ADGRL3: variants seen among roughly 807,000 people sequenced by gnomAD.
The protein encoded by ADGRL3 is adhesion G protein-coupled receptor L3, also known as calcium-independent alpha-latrotoxin receptor 3.
In ADGRL3, 62 loss-of-function variants were observed where a neutral mutation model predicts 153.5. The ratio of observed to expected loss-of-function variants is 0.40; its 90% CI spans 0.33 to 0.50. The LOEUF (loss-of-function observed/expected upper bound fraction) is 0.50, where lower values mean the gene tolerates loss of function less well. Among genes scored for constraint, ADGRL3 ranks in the 20% least tolerant of loss-of-function variants. The pLI is 0.47. For missense variants in ADGRL3, 1,641 were observed against 1,859.4 expected (o/e 0.88, Z 2.16); for synonymous variants, 710 against 672.5 (o/e 1.06, Z -0.86).
At chr4:61,808,314 G>A (rs1186601507) in intron 8 of ADGRL3, among the ~76,000 whole-genome samples, 2 of 152,134 alleles carry the variant, frequency 1.3e-5, no homozygotes, top group Non-Finnish European at 2.9e-5. Flanking sequence ...CAAACACATA[G>A]TTACCTTGCT....
chr4:61,517,454 G>A lies in ADGRL3; in HGVS notation c.195G>A (p.Gly65=), dbSNP rs1250581863. The A allele has an allele frequency of 1.3e-6, 1 of 796,940 alleles. No individual in the cohort carries two copies. Among genetic ancestry groups the A allele is most frequent in the Admixed American group, 2.0e-5 (1 of 50,142 alleles). 49.4% of individuals were successfully genotyped at this position (796,940 alleles called of 1,614,324 possible). A position where few individuals can be genotyped will look rare whatever the true frequency, so the allele number is the denominator to read the frequency against. ...GCACCGCTGCTCATCGTGGACAAGG[G>A]CCCCGTGGAGCTACCAGAGGAGTTC... The part of the protein sequence containing the change: ...AERTAAHRGQ[G]PRGATRGVRG... Residue 65 remains glycine, a synonymous_variant, in exon 4 of 27, where the codon GGG becomes GGA. Coordinates refer to ENST00000683033, the MANE Select transcript of ADGRL3 (RefSeq NM_001387552.1).
At chr4:61,551,338 A>G (rs1439597844) in intron 4 of ADGRL3, among the ~76,000 whole-genome samples, 1 of 152,178 alleles carries the variant, frequency 6.6e-6, no homozygotes, top group Non-Finnish European at 1.5e-5. Flanking sequence ...TATCAAGGTC[A>G]TAATCAGAAT....
intron 17 of ADGRL3, among the ~76,000 whole-genome samples, chr4:61,948,626 G>A (rs1327258297): frequency 6.6e-6 from 1 of 152,142 alleles, no homozygotes; most frequent in Non-Finnish European, 1.5e-5. Context: ...TGGGACTGGG[G>A]AGGCGGAAGA....
intron 2 of ADGRL3, among the ~76,000 whole-genome samples, chr4:61,473,608 G>T (rs1205758103): frequency 6.6e-6 from 1 of 151,818 alleles, no homozygotes; most frequent in Non-Finnish European, 1.5e-5. Context: ...AATAAATGAG[G>T]AGGAAAAAAA....
At chr4:61,986,228 A>G (rs1299355464) in intron 19 of ADGRL3, among the ~76,000 whole-genome samples, 3 of 152,184 alleles carry the variant, frequency 2.0e-5, no homozygotes, top group African/African-American at 7.2e-5. Context: ...TAATATAGTT[A>G]TTTGTGACCT....
chr4:61,660,289 C>T (rs1357060924), intron 5 of ADGRL3, among the ~76,000 whole-genome samples: 6 of 152,224 alleles, frequency 3.9e-5, no homozygotes, highest in Admixed American at 3.3e-4. Flanking sequence ...AGCTCTGTCA[C>T]AGTCCCTATT....
At chr4:61,812,310 G>T (rs1331964770) in intron 8 of ADGRL3, among the ~76,000 whole-genome samples, 1 of 152,130 alleles carries the variant, frequency 6.6e-6, no homozygotes, top group East Asian at 1.9e-4. Flanking sequence ...CACTGTCTCT[G>T]CTGTTAGCTG....
rs557601613 is a variant in ADGRL3, at chr4:61,399,717, T to C, written c.-174+16528T>C. The stretch of plus-strand genomic sequence containing the variant: ...TTTCTACTCTAAAAATTGAGAGTGT[T>C]GGACTTAATGACTAAATTATCCACT... On this transcript the variant is annotated intron_variant, in intron 2 of 26. Coordinates refer to ENST00000683033, the MANE Select transcript of ADGRL3 (RefSeq NM_001387552.1). Among the ~76,000 whole-genome samples, 216 of 151,804 alleles carry C rather than the reference T, an allele frequency of 1.4e-3. 1 individual carries two copies. The highest frequency in any genetic ancestry group is 5.0e-3 in the African/African-American group (209 of 41,522).
chr4:61,663,466 G>A (rs182548185), intron 5 of ADGRL3, among the ~76,000 whole-genome samples: 24 of 152,312 alleles, frequency 1.6e-4, no homozygotes, highest in Admixed American at 5.2e-4. Context: ...CACCGCAGCC[G>A]GTGTGCCTGG....
intron 5 of ADGRL3, among the ~76,000 whole-genome samples, chr4:61,649,457 G>A (rs953878645): frequency 2.6e-5 from 4 of 152,102 alleles, no homozygotes; most frequent in African/African-American, 7.2e-5. Flanking sequence ...AGATTTGTAG[G>A]TGGAACTTTG....
At chr4:61,517,293 G>A (rs2098502401) in intron 3 of ADGRL3, 22 bp from the exon 4 acceptor site, 2 of 701,732 alleles carry the variant, frequency 2.9e-6, no homozygotes, top group African/African-American at 3.5e-5. Context: ...GGGTCTGATG[G>A]TGCGCCCTGC....
intron 5 of ADGRL3, among the ~76,000 whole-genome samples, chr4:61,668,820 C>T (rs1250180226): frequency 6.6e-6 from 1 of 152,056 alleles, no homozygotes; most frequent in Non-Finnish European, 1.5e-5. Flanking sequence ...GAGTTTGAGA[C>T]CAGCCTAGGT....
chr4:61,348,769 A>C (rs1465977039), intron 1 of ADGRL3, among the ~76,000 whole-genome samples: 1 of 152,032 alleles, frequency 6.6e-6, no homozygotes, highest in Non-Finnish European at 1.5e-5. Flanking sequence ...AAACTGGAAG[A>C]CCTGACAATC....
At chr4:61,924,960 C>T (rs950101415) in intron 13 of ADGRL3, among the ~76,000 whole-genome samples, 2 of 152,076 alleles carry the variant, frequency 1.3e-5, no homozygotes, top group Admixed American at 1.3e-4. Flanking sequence ...CATTTTTTCT[C>T]TGCTTTGTTA....
intron 2 of ADGRL3, among the ~76,000 whole-genome samples, chr4:61,455,485 T>C (rs923202104): frequency 5.9e-5 from 9 of 152,098 alleles, no homozygotes; most frequent in African/African-American, 2.2e-4. Context: ...TCCTCAGAAT[T>C]AGCCATCTAG....
At chr4:61,473,793 T>C (rs748799372) in intron 2 of ADGRL3, among the ~76,000 whole-genome samples, 3 of 152,098 alleles carry the variant, frequency 2.0e-5, no homozygotes, top group Non-Finnish European at 4.4e-5. Flanking sequence ...TAATCATTGG[T>C]TTGTTTTAGC....
intron 8 of ADGRL3, among the ~76,000 whole-genome samples, chr4:61,750,242 G>C (rs2096737121): frequency 2.7e-5 from 4 of 149,634 alleles, no homozygotes; most frequent in Admixed American, 1.3e-4. Flanking sequence ...GGTGTTTGCT[G>C]GCCATTTACA....
chr4:61,474,509 G>A (rs2098018353), intron 2 of ADGRL3, among the ~76,000 whole-genome samples: 1 of 152,024 alleles, frequency 6.6e-6, no homozygotes, highest in African/African-American at 2.4e-5. Flanking sequence ...AATATTATTA[G>A]TTGCTAAATT....
chr4:61,346,652 A>G (rs1228998578), intron 1 of ADGRL3, among the ~76,000 whole-genome samples: 1 of 151,468 alleles, frequency 6.6e-6, no homozygotes, highest in Non-Finnish European at 1.5e-5. Flanking sequence ...GCTCATGACT[A>G]TTGTCCCGGC....
Sources: gnomAD v4.1 joint callset for allele counts (sites outside exome capture counted in the v4.1 genomes callset) on GRCh38, gnomAD v4.1.1 for gene constraint, MANE v1.5 for transcripts, NCBI Gene and HGNC (gene_info 2026-07-23, HGNC 2026-07-21) for gene names.